Variants in DIAPH2 observed in about 807,000 individuals in gnomAD.
DIAPH2 encodes the protein protein diaphanous homolog 2.
In DIAPH2, 35 loss-of-function variants were observed where a neutral mutation model predicts 92.7. The ratio of observed to expected loss-of-function variants is 0.38; its 90% CI spans 0.29 to 0.50. DIAPH2 has a LOEUF of 0.50. Among genes scored for constraint, DIAPH2 ranks in the 20% least tolerant of loss-of-function variants. The pLI, the probability that DIAPH2 is intolerant of heterozygous loss-of-function variation, is 0.94. For missense variants in DIAPH2, 701 were observed against 819.5 expected, an observed-to-expected ratio of 0.86 and a Z score of 1.77; for synonymous variants, 301 against 280.4, an observed-to-expected ratio of 1.07 and a Z score of -0.73.
intron 23 of DIAPH2, among the ~76,000 whole-genome samples, chrX:97,282,187 C>T (rs1246795472): frequency 8.9e-6 from 1 of 111,785 alleles, no homozygotes; most frequent in African/African-American, 3.2e-5. Flanking sequence ...GCAGAAGGCA[C>T]CTATGTTTTG....
At chrX:97,061,482 A>G (rs2066597041) in intron 17 of DIAPH2, among the ~76,000 whole-genome samples, 1 of 111,565 alleles carries the variant, frequency 9.0e-6, no homozygotes, top group African/African-American at 3.3e-5. Flanking sequence ...GTGACCTGGC[A>G]GAATAGGTGT....
chrX:96,735,879 G>C, intron 2 of DIAPH2, 89 bp downstream of exon 2: 1 of 504,286 alleles, frequency 2.0e-6, no homozygotes, highest in Non-Finnish European at 3.3e-6. Flanking sequence ...ATATATGTAA[G>C]ATACAAAATG....
At chrX:97,452,880 A>G in intron 26 of DIAPH2, among the ~76,000 whole-genome samples, 1 of 112,079 alleles carries the variant, frequency 8.9e-6, no homozygotes, top group South Asian at 3.7e-4. Context: ...TTTATCAATT[A>G]CATATCCCTC....
intron 1 of DIAPH2, among the ~76,000 whole-genome samples, chrX:96,715,572 C>G (rs1225234233): frequency 9.0e-6 from 1 of 111,703 alleles, no homozygotes; most frequent in Non-Finnish European, 1.9e-5. Context: ...AAGATTTATT[C>G]TCTTTCACCA....
rs113199689 is a variant in DIAPH2, at chrX:97,129,146, C to CTTTTCTTTTCTTTTCTTTTCTTTCT, written c.2590-12516_2590-12515insTCTTTTCTTTTCTTTTCTTTCTTTT. Among the ~76,000 whole-genome samples, 19 of 36,579 alleles carry CTTTTCTTTTCTTTTCTTTTCTTTCT rather than the reference C, an allele frequency of 5.2e-4. 9 individuals carry two copies. The highest frequency in any genetic ancestry group is 1.6e-3 in the East Asian group (2 of 1,222). The allele number at this position is 36,579 out of a possible 115,157, so 31.8% of individuals were successfully genotyped here. A position where few individuals can be genotyped will look rare whatever the true frequency, so the allele number is the denominator to read the frequency against. On this transcript the variant is annotated intron_variant, in intron 21 of 26. Transcript: ENST00000324765. Reference sequence around the variant, plus strand: ...CTTTTCTTTTCTTTTCTTTTCTTTTCTTTCTTTTCTTTTCTTTTCTTTCTT... The same window carrying CTTTTCTTTTCTTTTCTTTTCTTTCT: ...CTTTTCTTTTCTTTTCTTTTCTTTTCTTTTCTTTTCTTTTCTTTTCTTTCTTTTCTTTTCTTTTCTTTTCTTTCTT...
intron 22 of DIAPH2, among the ~76,000 whole-genome samples, chrX:97,151,297 A>C (rs1226036148): frequency 8.9e-6 from 1 of 111,907 alleles, no homozygotes; most frequent in Non-Finnish European, 1.9e-5. Context: ...CCAGTCATTC[A>C]GATTTTTAAT....
At chrX:97,039,994 G>T (rs904431958) in intron 17 of DIAPH2, among the ~76,000 whole-genome samples, 4 of 111,122 alleles carry the variant, frequency 3.6e-5, no homozygotes, top group Non-Finnish European at 7.6e-5. Flanking sequence ...ACATTATATT[G>T]TAGAGAACTT....
intron 17 of DIAPH2, among the ~76,000 whole-genome samples, chrX:97,057,580 C>T (rs1208251285): frequency 9.0e-6 from 1 of 111,568 alleles, no homozygotes; most frequent in Admixed American, 9.5e-5. Flanking sequence ...ACTCATGACA[C>T]CGTAGGTAAT....
chrX:97,473,359 G>A (rs950710960), intron 26 of DIAPH2, among the ~76,000 whole-genome samples: 1 of 111,285 alleles, frequency 9.0e-6, no homozygotes, highest in Non-Finnish European at 1.9e-5. Context: ...TTTTGAGACA[G>A]AGTCTTGCTG....
chrX:96,864,048 G>A (rs1284317697), intron 4 of DIAPH2, among the ~76,000 whole-genome samples: 1 of 111,572 alleles, frequency 9.0e-6, no homozygotes, highest in Non-Finnish European at 1.9e-5. Flanking sequence ...GGGAGACAGA[G>A]TGAGACCCTG....
At chrX:97,102,099 C>T (rs1159859702) in intron 20 of DIAPH2, among the ~76,000 whole-genome samples, 1 of 112,354 alleles carries the variant, frequency 8.9e-6, no homozygotes, top group African/African-American at 3.2e-5. Context: ...GAAGCTCCTT[C>T]GCATTCTCAC....
chrX:96,904,345 G>T (rs1227118088), intron 5 of DIAPH2, among the ~76,000 whole-genome samples: 2 of 111,724 alleles, frequency 1.8e-5, no homozygotes, highest in Non-Finnish European at 3.8e-5. Context: ...TTTATAATTG[G>T]TCAGAGATAT....
intron 24 of DIAPH2, among the ~76,000 whole-genome samples, chrX:97,370,381 T>C (rs758407379): frequency 1.4e-4 from 16 of 111,325 alleles, no homozygotes; most frequent in African/African-American, 4.2e-4. Context: ...TAGTAAGATA[T>C]AAATTAAGGG....
At chrX:97,470,302 A>G (rs1164794352) in intron 26 of DIAPH2, among the ~76,000 whole-genome samples, 1 of 111,556 alleles carries the variant, frequency 9.0e-6, no homozygotes, top group South Asian at 3.7e-4. Context: ...TAACTTGAAC[A>G]CTCAGAAATA....
intron 4 of DIAPH2, among the ~76,000 whole-genome samples, chrX:96,860,978 CA>C (rs1418965966): frequency 9.0e-6 from 1 of 111,388 alleles, no homozygotes; most frequent in Non-Finnish European, 1.9e-5. Flanking sequence ...ATGAGAATGG[CA>C]GAGATTTTTA....
intron 4 of DIAPH2, among the ~76,000 whole-genome samples, chrX:96,770,669 A>G (rs2064333032): frequency 1.8e-5 from 2 of 111,571 alleles, no homozygotes; most frequent in South Asian, 7.4e-4. Context: ...GGTGGTGATA[A>G]TTTTGTTAAA....
intron 17 of DIAPH2, among the ~76,000 whole-genome samples, chrX:97,008,908 G>A (rs754937098): frequency 6.3e-5 from 7 of 111,189 alleles, no homozygotes; most frequent in South Asian, 7.7e-4. Context: ...CATACAAGGC[G>A]TATGGTAAAC....
At chrX:97,062,381 A>G (rs2066605035) in intron 17 of DIAPH2, among the ~76,000 whole-genome samples, 2 of 112,110 alleles carry the variant, frequency 1.8e-5, no homozygotes, top group Non-Finnish European at 3.8e-5. Context: ...AACCTTGCTA[A>G]TATTTGGAAT....
At chrX:97,508,816 G>T (rs952799994) in intron 26 of DIAPH2, among the ~76,000 whole-genome samples, 1 of 110,782 alleles carries the variant, frequency 9.0e-6, no homozygotes, top group African/African-American at 3.3e-5. Context: ...CTGATTTGGC[G>T]CAGGACTTCT....
Sources: gnomAD v4.1 joint callset for allele counts (sites outside exome capture counted in the v4.1 genomes callset) on GRCh38, gnomAD v4.1.1 for gene constraint, MANE v1.5 for transcripts, NCBI Gene and HGNC (gene_info 2026-07-23, HGNC 2026-07-21) for gene names.